The following CLMP variants were observed in gnomAD, a reference collection of about 807,000 sequenced individuals.
CLMP encodes the protein CXADR-like membrane protein.
A neutral mutation model predicts 45.2 loss-of-function variants in CLMP; 27 were observed. The observed-to-expected ratio is 0.60, with a 90% CI of 0.44 to 0.82. The LOEUF is 0.82. Among genes scored for constraint, CLMP ranks in the 40% least tolerant of loss-of-function variants. The probability of loss-of-function intolerance (pLI) is 0.00; values close to 1 mark genes in which losing one functional copy is unlikely to be tolerated. For missense variants in CLMP, 403 were observed against 448.4 expected (o/e 0.90, Z 0.91); for synonymous variants, 167 against 171.4 (o/e 0.97, Z 0.20).
At position 123,072,709 on chromosome 11, in the gene CLMP, A is replaced by G. The variant is rs1591445981; in HGVS notation, c.*765T>C. ...GGGAAATCCACAATTGCTCCATTAT[A>G]TATTTCTAATGTTTGTCAACAATCC... On this transcript the variant is annotated 3_prime_UTR_variant, in exon 7 of 7. Coordinates refer to ENST00000448775, the MANE Select transcript of CLMP (RefSeq NM_024769.5). 6.6e-6 allele frequency: 1 copy of G among 152,226 alleles called. No homozygotes were observed. Among genetic ancestry groups the G allele is most frequent in the East Asian group, 1.9e-4 (1 of 5,196 alleles). The allele number at this position is 152,226 out of a possible 1,614,324, so 9.4% of individuals were successfully genotyped here.
intron 1 of CLMP, among the ~76,000 whole-genome samples, chr11:123,154,062 C>A (rs1009215294): frequency 1.3e-5 from 2 of 151,996 alleles, no homozygotes; most frequent in African/African-American, 4.8e-5. Context: ...GATTGGACAC[C>A]TATCATAATG....
At chr11:123,129,414 GAT>G (rs1191148945) in intron 1 of CLMP, among the ~76,000 whole-genome samples, 9 of 137,362 alleles carry the variant, frequency 6.6e-5, no homozygotes, top group South Asian at 2.2e-4. Flanking sequence ...TATATCATAT[GAT>G]ATATTATATA....
intron 1 of CLMP, among the ~76,000 whole-genome samples, chr11:123,190,227 G>T (rs7939743): frequency 0.028 from 4,335 of 152,138 alleles, 69 homozygotes; most frequent in African/African-American, 0.045. Context: ...TAACAGTGCC[G>T]CAGGGCAGTT....
Position 123,120,894 on chromosome 11 carries a change from A to C in CLMP, c.29-22942T>G, listed in dbSNP as rs866726151. Among the ~76,000 whole-genome samples, 9 of 152,132 alleles carry C rather than the reference A, an allele frequency of 5.9e-5. No individual in the cohort carries two copies. The South Asian group carries it at 1.2e-3, about 21-fold the overall frequency. On this transcript the variant is annotated intron_variant, in intron 1 of 6. Transcript: ENST00000448775. ...GTAATCCCAGCACTTTGGGAGGCCG[A>C]GGTGGGAGGATCACGAGGTCAGGAG...
intron 1 of CLMP, among the ~76,000 whole-genome samples, chr11:123,148,434 A>G (rs1861268868): frequency 6.6e-6 from 1 of 152,234 alleles, no homozygotes; most frequent in Non-Finnish European, 1.5e-5. Flanking sequence ...TGCCTATGGC[A>G]AAAGAATGAG....
intron 1 of CLMP, among the ~76,000 whole-genome samples, chr11:123,113,082 T>C (rs1445238948): frequency 6.6e-6 from 1 of 152,240 alleles, no homozygotes; most frequent in Non-Finnish European, 1.5e-5. Context: ...CAGTACCCAA[T>C]TTTTAATTAT....
At chr11:123,090,097 A>T (rs987849614) in intron 2 of CLMP, among the ~76,000 whole-genome samples, 8 of 151,782 alleles carry the variant, frequency 5.3e-5, no homozygotes, top group African/African-American at 1.7e-4. Context: ...CTCAAAGAAA[A>T]AAAAAAAAAT....
chr11:123,145,652 C>A (rs1265771523), intron 1 of CLMP, among the ~76,000 whole-genome samples: 1 of 151,916 alleles, frequency 6.6e-6, no homozygotes, highest in Non-Finnish European at 1.5e-5. Flanking sequence ...TTAGTAGAGA[C>A]GGAGTTTCAC....
intron 1 of CLMP, among the ~76,000 whole-genome samples, chr11:123,126,881 T>A (rs1213275690): frequency 2.0e-5 from 3 of 149,690 alleles, no homozygotes; most frequent in Non-Finnish European, 4.4e-5. Context: ...TGGGCGAGAG[T>A]GCGAGACTCC....
chr11:123,114,607 G>A (rs1860694931), intron 1 of CLMP, among the ~76,000 whole-genome samples: 1 of 151,622 alleles, frequency 6.6e-6, no homozygotes, highest in African/African-American at 2.4e-5. Flanking sequence ...TCCCAGCCCT[G>A]CATTTTCTAC....
intron 1 of CLMP, among the ~76,000 whole-genome samples, chr11:123,119,040 T>C (rs868810701): frequency 2.6e-4 from 12 of 46,972 alleles, no homozygotes; most frequent in South Asian, 6.5e-4. Context: ...TCTCTCTCTC[T>C]CTCTCCCTCT....
At chr11:123,080,631 G>T (rs779954854) in intron 5 of CLMP, among the ~76,000 whole-genome samples, 2 of 152,044 alleles carry the variant, frequency 1.3e-5, no homozygotes, top group Non-Finnish European at 2.9e-5. Context: ...CTCGACAAAG[G>T]TATATCTCTT....
intron 5 of CLMP, among the ~76,000 whole-genome samples, chr11:123,077,249 G>T (rs546065237): frequency 6.6e-6 from 1 of 151,486 alleles, no homozygotes; most frequent in Admixed American, 6.6e-5. Flanking sequence ...TCTACCCCCC[G>T]CCTTGGCCTC....
rs151259270 is a variant in CLMP, at chr11:123,185,628, G to A, written c.28+9285C>T. On this transcript the variant is annotated intron_variant, in intron 1 of 6. Transcript: ENST00000448775. ...CTTCCCTATTGGTGGGAGTGGAGTC[G>A]GGTAGAGCTCCCCCAGGGGAAGGCA... Among the ~76,000 whole-genome samples, 1,135 of 152,298 alleles carry A rather than the reference G, an allele frequency of 7.5e-3. 14 individuals are homozygous for A. Among genetic ancestry groups the A allele is most frequent in the African/African-American group, 0.026 (1,084 of 41,560 alleles).
chr11:123,153,779 T>C (rs115832736), intron 1 of CLMP, among the ~76,000 whole-genome samples: 2,956 of 151,846 alleles, frequency 0.019, 79 homozygotes, highest in African/African-American at 0.066. Context: ...ACCTCCTGGG[T>C]TCATGTGATC....
At chr11:123,123,205 C>T (rs1591467394) in intron 1 of CLMP, among the ~76,000 whole-genome samples, 1 of 151,412 alleles carries the variant, frequency 6.6e-6, no homozygotes. Context: ...GTGAACTCTG[C>T]AGAATTCTAG....
At chr11:123,181,805 C>T (rs1210251802) in intron 1 of CLMP, among the ~76,000 whole-genome samples, 2 of 152,192 alleles carry the variant, frequency 1.3e-5, no homozygotes, top group Admixed American at 6.5e-5. Flanking sequence ...AGTGACAGTT[C>T]GATTTCTTGT....
chr11:123,083,238 C>A (rs544166234), intron 4 of CLMP, 31 bp from the exon 5 acceptor site: 2 of 1,602,982 alleles, frequency 1.2e-6, no homozygotes, highest in Admixed American at 3.4e-5. Context: ...ACTGTAAATC[C>A]CTTTAGTGAT....
At chr11:123,137,407 G>A (rs11219015) in intron 1 of CLMP, among the ~76,000 whole-genome samples, 34,897 of 151,690 alleles carry the variant, frequency 0.23, 4,094 homozygotes, top group African/African-American at 0.26. Context: ...TTTAGAAGGA[G>A]GAAGGAGGAG....
Sources: gnomAD v4.1 joint callset for allele counts (sites outside exome capture counted in the v4.1 genomes callset) on GRCh38, gnomAD v4.1.1 for gene constraint, MANE v1.5 for transcripts, NCBI Gene and HGNC (gene_info 2026-07-23, HGNC 2026-07-21) for gene names.